The following INPP5F variants were observed in gnomAD, a reference collection of about 807,000 sequenced individuals.
The protein encoded by INPP5F is inositol polyphosphate-5-phosphatase F.
In INPP5F, 97 loss-of-function variants were observed where a neutral mutation model predicts 137.2. That is an observed-to-expected ratio of 0.71 (90% CI 0.60 to 0.84). The LOEUF is 0.84. Ranked by LOEUF, INPP5F falls within the 40% of genes least tolerant of loss-of-function variation. The probability of loss-of-function intolerance (pLI) is 0.00; values close to 1 mark genes in which losing one functional copy is unlikely to be tolerated. For missense variants in INPP5F, 1,271 were observed against 1,371.9 expected (o/e 0.93, Z 1.16); for synonymous variants, 504 against 476.9 (o/e 1.06, Z -0.74).
At chr10:119,795,140 A>ACCTC (rs1288685003) in intron 6 of INPP5F, among the ~76,000 whole-genome samples, 4 of 123,024 alleles carry the variant, frequency 3.3e-5, no homozygotes, top group African/African-American at 1.3e-4. Flanking sequence ...TGACCCCCCC[A>ACCTC]CCTCCCTCCC....
At chr10:119,792,578 T>G (rs1483966660) in intron 6 of INPP5F, among the ~76,000 whole-genome samples, 1 of 151,642 alleles carries the variant, frequency 6.6e-6, no homozygotes, top group Non-Finnish European at 1.5e-5. Context: ...TTTTTTTTTT[T>G]TTTTTTTTTT....
chr10:119,794,508 A>C (rs939455129), intron 6 of INPP5F, among the ~76,000 whole-genome samples: 12 of 151,788 alleles, frequency 7.9e-5, no homozygotes, highest in Admixed American at 3.3e-4. Flanking sequence ...CATTGTCATC[A>C]TGGCCCGTTC....
At chr10:119,802,082 G>A (rs1374070057) in intron 9 of INPP5F, among the ~76,000 whole-genome samples, 1 of 152,166 alleles carries the variant, frequency 6.6e-6, no homozygotes, top group Non-Finnish European at 1.5e-5. Context: ...ACGGACCTGT[G>A]TATGTTCATT....
chr10:119,771,571 T>G, intron 2 of INPP5F, among the ~76,000 whole-genome samples: 1 of 152,062 alleles, frequency 6.6e-6, no homozygotes, highest in East Asian at 1.9e-4. Flanking sequence ...TGAGAGTTTC[T>G]TTATGCATTT....
Position 119,787,932 on chromosome 10 carries a change from A to G in INPP5F, c.316-3585A>G, listed in dbSNP as rs1267774134. On this transcript the variant is annotated intron_variant, in intron 3 of 19. Coordinates refer to ENST00000650623, the MANE Select transcript of INPP5F (RefSeq NM_014937.4). This position sits in a 1 kb window ranked among gnomAD's most constrained non-coding sequence, Gnocchi z 4.1. Reference sequence around the variant, plus strand: ...TAGAGTGTCTGCACTGAGTTGGATAATCCTGCATAGAACATCTCCTGTGTG... The same window carrying G: ...TAGAGTGTCTGCACTGAGTTGGATAGTCCTGCATAGAACATCTCCTGTGTG... Among the ~76,000 whole-genome samples the G allele has an allele frequency of 6.6e-6, 1 of 152,138 alleles. No homozygotes were observed. The highest frequency in any genetic ancestry group is 2.4e-5 in the African/African-American group (1 of 41,420).
chr10:119,811,775 CA>C lies in INPP5F; in HGVS notation c.1707del (p.Val570Ter). On this transcript the variant is annotated frameshift_variant, in exon 15 of 20. Coordinates refer to ENST00000650623, the MANE Select transcript of INPP5F (RefSeq NM_014937.4). LOFTEE classifies it high-confidence loss of function. ...ACCCTAGATTTGATGCAAGGCATTCCAGTGACAGAAGATCTTTATTCCATAT... is the reference window on the plus strand; with the variant it reads ...ACCCTAGATTTGATGCAAGGCATTCCGTGACAGAAGATCTTTATTCCATAT... ...QAVIDLMQGI[P>X]VTEDLYSIFT... The C allele has an allele frequency of 1.9e-6, 3 of 1,613,634 alleles. No individual in the cohort carries two copies. The highest frequency in any genetic ancestry group is 2.5e-6 in the Non-Finnish European group (3 of 1,179,642).
intron 1 of INPP5F, among the ~76,000 whole-genome samples, 168 bp from the exon 2 acceptor site, chr10:119,750,908 C>T (rs1848673684): frequency 6.6e-6 from 1 of 152,164 alleles, no homozygotes; most frequent in Non-Finnish European, 1.5e-5. Flanking sequence ...TTATTCAGGC[C>T]TCACATTTAA....
At chr10:119,806,717 C>A (rs907915400) in intron 12 of INPP5F, among the ~76,000 whole-genome samples, 8 of 152,032 alleles carry the variant, frequency 5.3e-5, no homozygotes, top group East Asian at 1.9e-4. Flanking sequence ...ATTTTAAAGT[C>A]CATTGGGTGG....
At chr10:119,785,154 G>C (rs1262470598) in intron 3 of INPP5F, among the ~76,000 whole-genome samples, 1 of 151,442 alleles carries the variant, frequency 6.6e-6, no homozygotes, top group African/African-American at 2.4e-5. Flanking sequence ...TATGAATAAT[G>C]CTATTATAAG....
chr10:119,807,488 ATC>A (rs1318890701), intron 12 of INPP5F, among the ~76,000 whole-genome samples: 1 of 152,194 alleles, frequency 6.6e-6, no homozygotes, highest in East Asian at 1.9e-4. Flanking sequence ...TGATAACAGT[ATC>A]AATTACATAG....
At chr10:119,788,228 GTC>G (rs1410675628) in intron 3 of INPP5F, among the ~76,000 whole-genome samples, 3 of 152,194 alleles carry the variant, frequency 2.0e-5, no homozygotes, top group East Asian at 3.8e-4. Flanking sequence ...GGTCTAGTGT[GTC>G]TCAGTGTGGG....
rs145277344 is a variant in INPP5F at position 119,784,654 on chromosome 10, C to T, written c.315+2883C>T. On this transcript the variant is annotated intron_variant, in intron 3 of 19. Transcript: ENST00000650623. ...TTTTCTGCCTCTGTTGTCTTTTTATCGCAAATATATGCCTTATTTGTTTGC... is the reference window on the plus strand; with the variant it reads ...TTTTCTGCCTCTGTTGTCTTTTTATTGCAAATATATGCCTTATTTGTTTGC... 1.7e-3 allele frequency among the ~76,000 whole-genome samples: 260 copies of T among 152,220 alleles called. 2 individuals carry two copies. Among genetic ancestry groups the T allele is most frequent in the Non-Finnish European group, 2.3e-3 (156 of 68,010 alleles).
intron 1 of INPP5F, among the ~76,000 whole-genome samples, chr10:119,740,382 T>G (rs1848338583): frequency 6.6e-6 from 1 of 152,198 alleles, no homozygotes; most frequent in Admixed American, 6.5e-5. Flanking sequence ...GAGCTGCAGG[T>G]CAATGTTTCC....
rs1038610436 is a variant in INPP5F, at chr10:119,748,003, G to A, written c.98-3073G>A. Among the ~76,000 whole-genome samples, 2 of 152,168 alleles carry A rather than the reference G, an allele frequency of 1.3e-5. No individual in the cohort carries two copies. The highest frequency in any genetic ancestry group is 6.5e-5 in the Admixed American group (1 of 15,282). On this transcript the variant is annotated intron_variant, in intron 1 of 19. Coordinates refer to ENST00000650623, the MANE Select transcript of INPP5F (RefSeq NM_014937.4). This position sits in a 1 kb window ranked among gnomAD's most constrained non-coding sequence, Gnocchi z 4.7. ...TGGCGATTTTGCCTGAGTTTTCCTC[G>A]GGTCCACTGGGCTTTTTCCACTGTC...
intron 15 of INPP5F, chr10:119,819,439 T>C: frequency 6.6e-7 from 1 of 1,525,590 alleles, no homozygotes. Flanking sequence ...GGAGCTAGGA[T>C]GAAAGTAACA....
At chr10:119,820,753 T>G in intron 15 of INPP5F, 93 bp from the exon 16 acceptor site, 3 of 972,650 alleles carry the variant, frequency 3.1e-6, no homozygotes, top group South Asian at 2.6e-5. Flanking sequence ...CTGGCCAATT[T>G]TTTGTCCTAA....
At chr10:119,796,571 C>T (rs898040096) in intron 6 of INPP5F, 144 bp from the exon 7 acceptor site, 1 of 738,498 alleles carries the variant, frequency 1.4e-6, no homozygotes, top group Non-Finnish European at 2.4e-6. Context: ...ACGTGGTGTT[C>T]TTCAATAAGC....
chr10:119,761,128 C>T (rs1848997910), intron 2 of INPP5F, among the ~76,000 whole-genome samples: 1 of 151,918 alleles, frequency 6.6e-6, no homozygotes, highest in South Asian at 2.1e-4. Flanking sequence ...CATTTTATGG[C>T]AGATTTATTT....
At chr10:119,740,119 T>C (rs1407685411) in intron 1 of INPP5F, among the ~76,000 whole-genome samples, 1 of 152,236 alleles carries the variant, frequency 6.6e-6, no homozygotes, top group Middle Eastern at 3.2e-3. Context: ...ATTTATATTC[T>C]TCTGTAGTTT....
Sources: gnomAD v4.1 joint callset for allele counts (sites outside exome capture counted in the v4.1 genomes callset) on GRCh38, gnomAD v4.1.1 for gene constraint, Gnocchi (gnomAD v3.1) non-coding constraint, MANE v1.5 for transcripts, NCBI Gene and HGNC (gene_info 2026-07-23, HGNC 2026-07-21) for gene names.